The following FRYL variants were observed in gnomAD, a reference collection of about 807,000 sequenced individuals.
The protein encoded by FRYL is protein furry homolog-like.
FRYL carries 150 observed loss-of-function variants against 351.2 expected under a neutral mutation model. That is an observed-to-expected ratio of 0.43 (90% CI 0.37 to 0.49). The LOEUF (loss-of-function observed/expected upper bound fraction) is 0.49, where lower values mean the gene tolerates loss of function less well. FRYL is among the 20% of genes least tolerant of loss of function. FRYL has a pLI of 0.00. For missense variants in FRYL, 3,036 were observed against 3,619.3 expected, an observed-to-expected ratio of 0.84 and a Z score of 4.13; for synonymous variants, 1,153 against 1,257.1, an observed-to-expected ratio of 0.92 and a Z score of 1.75.
At chr4:48,595,538 T>C in intron 15 of FRYL, 52 bp downstream of exon 15, 15 of 1,035,780 alleles carry the variant, frequency 1.4e-5, no homozygotes, top group Non-Finnish European at 2.0e-5. Flanking sequence ...GTGATTACAA[T>C]AGATTACTCT....
chr4:48,600,138 A>G (rs985035843), intron 13 of FRYL, among the ~76,000 whole-genome samples: 16 of 152,076 alleles, frequency 1.1e-4, no homozygotes, highest in African/African-American at 3.9e-4. Context: ...TAATAAAAGG[A>G]AATTGTTTAG....
chr4:48,563,350 C>T (rs1251543864), intron 31 of FRYL, among the ~76,000 whole-genome samples: 2 of 151,438 alleles, frequency 1.3e-5, no homozygotes, highest in East Asian at 1.9e-4. Context: ...AAGGTCCTCA[C>T]ATTCAAAGGG....
chr4:48,606,868 C>T (rs1200301419), intron 9 of FRYL, among the ~76,000 whole-genome samples: 2 of 152,130 alleles, frequency 1.3e-5, no homozygotes, highest in African/African-American at 4.8e-5. Flanking sequence ...CAAGACACCA[C>T]CATTACCATT....
In FRYL at chr4:48,719,615, CT is replaced by C. The variant is rs367691434; in HGVS notation, c.-383-8918del. Among the ~76,000 whole-genome samples the C allele has an allele frequency of 8.6e-3, 1,306 of 151,736 alleles. 59 individuals are homozygous for C. The highest frequency in any genetic ancestry group is 0.037 in the Admixed American group (557 of 15,114). ...TGACAAAACAAAACAACAGAAATATCTTTTCCAGCCACACTGTGCTCTTTGC... is the reference window on the plus strand; with the variant it reads ...TGACAAAACAAAACAACAGAAATATCTTTCCAGCCACACTGTGCTCTTTGC... On this transcript the variant is annotated intron_variant, in intron 1 of 63. Transcript: ENST00000358350.
At chr4:48,519,369 C>T (rs1046574738) in intron 55 of FRYL, among the ~76,000 whole-genome samples, 2 of 152,152 alleles carry the variant, frequency 1.3e-5, no homozygotes, top group Non-Finnish European at 2.9e-5. Context: ...CCTGGAATGT[C>T]CCAGTTACCA....
intron 1 of FRYL, among the ~76,000 whole-genome samples, chr4:48,754,949 G>C (rs1185716539): frequency 6.6e-6 from 1 of 152,078 alleles, no homozygotes; most frequent in East Asian, 1.9e-4. Context: ...GCCCTGAATC[G>C]TTTTCAATTG....
chr4:48,603,341 C>T lies in FRYL; in HGVS notation c.882G>A (p.Glu294=), dbSNP rs1746074018. The T allele has an allele frequency of 6.2e-7, 1 of 1,612,686 alleles. No individual in the cohort carries two copies. The stretch of plus-strand genomic sequence containing the variant: ...GTTCAAAAGTAGTCTGATAAAGCAT[C>T]TCCACAAAATTTTTCAAACAGGGAA... ...VNVPCLKNFV[E]MLYQTTFELS... The change falls in exon 12 of 64, where the codon GAG becomes GAA. Residue 294 remains glutamate, a synonymous_variant. Transcript: ENST00000358350.
intron 3 of FRYL, among the ~76,000 whole-genome samples, chr4:48,657,124 A>T (rs2149457481): frequency 6.6e-6 from 1 of 152,318 alleles, no homozygotes; most frequent in East Asian, 1.9e-4. Context: ...ATGATGGAAG[A>T]GTCCCACTAT....
rs1772216617 is a variant in FRYL at position 48,742,599 on chromosome 4, G to A, written c.-383-31901C>T. Among the ~76,000 whole-genome samples the A allele has an allele frequency of 3.9e-5, 6 of 152,200 alleles. No homozygotes were observed. The South Asian group carries it at 1.2e-3, about 32-fold the overall frequency. ...TACTGTAACAGACCAACTCAGGACT[G>A]CTATTCATTCTTAGTATTAGTCATG... On this transcript the variant is annotated intron_variant, in intron 1 of 63. Coordinates refer to ENST00000358350, the MANE Select transcript of FRYL (RefSeq NM_015030.2).
At chr4:48,749,708 T>G (rs752330078) in intron 1 of FRYL, among the ~76,000 whole-genome samples, 5 of 152,174 alleles carry the variant, frequency 3.3e-5, no homozygotes, top group Non-Finnish European at 7.3e-5. Flanking sequence ...CTGCTACAAG[T>G]ACCCCCACCA....
Position 48,531,185 on chromosome 4 carries a change from T to C in FRYL, c.6874A>G (p.Thr2292Ala). The C allele has an allele frequency of 1.2e-6, 2 of 1,608,936 alleles. No homozygotes were observed. The highest frequency in any genetic ancestry group is 1.1e-5 in the South Asian group (1 of 90,856). ...GATATATCAAAATGAAAATCTAAGG[T>C]CTTCCCAGGCAACTCCTTAGAAACA... ...NNVSKELPGK[T>A]LDFHFDISET... The change falls in exon 50 of 64, where the codon ACC (threonine) becomes GCC (alanine). Residue 2292 changes from threonine (T) to alanine (A), a missense_variant. Coordinates refer to ENST00000358350, the MANE Select transcript of FRYL (RefSeq NM_015030.2).
At chr4:48,543,044 T>C (rs758756866) in intron 44 of FRYL, among the ~76,000 whole-genome samples, 4 of 152,162 alleles carry the variant, frequency 2.6e-5, no homozygotes, top group Non-Finnish European at 5.9e-5. Context: ...CATCCTGCAA[T>C]GTATTCTAGC....
intron 27 of FRYL, among the ~76,000 whole-genome samples, chr4:48,568,142 G>A (rs1314070394): frequency 6.6e-6 from 1 of 152,184 alleles, no homozygotes; most frequent in Non-Finnish European, 1.5e-5. Flanking sequence ...GTGCACGCCT[G>A]TAGTCCCAGC....
rs202041626 is a variant in FRYL at position 48,754,278 on chromosome 4, AT to A, written c.-384+25799del. On this transcript the variant is annotated intron_variant, in intron 1 of 63. Transcript: ENST00000358350. ...TATCAATGGCATCATACAATATGTG[AT>A]TTTTTTTTAAAGGTTCATGCACTTT... Among the ~76,000 whole-genome samples, 177 of 151,740 alleles carry A rather than the reference AT, an allele frequency of 1.2e-3. 2 individuals are homozygous for A. The highest frequency in any genetic ancestry group is 4.8e-3 in the South Asian group (23 of 4,798).
chr4:48,515,093 G>T lies in FRYL; in HGVS notation c.7872C>A (p.Thr2624=). 4 of 1,613,350 alleles carry T rather than the reference G, an allele frequency of 2.5e-6. No individual in the cohort carries two copies. The highest frequency in any genetic ancestry group is 3.4e-6 in the Non-Finnish European group (4 of 1,179,336). The change falls in exon 56 of 64, where the codon ACC becomes ACA. Residue 2624 remains threonine (T), a synonymous_variant. Coordinates refer to ENST00000358350, the MANE Select transcript of FRYL (RefSeq NM_015030.2). ...YPESVCEEDV[T]LALKELDERC... is the part of the protein sequence containing the mutation. Reference sequence around the variant, plus strand: ...TTTCATCTAGCTCTTTCAGAGCTAAGGTAACATCCTCTTCACAGACTGACT... The same window carrying T: ...TTTCATCTAGCTCTTTCAGAGCTAATGTAACATCCTCTTCACAGACTGACT...
chr4:48,544,016 C>T lies in FRYL; in HGVS notation c.5402-19G>A, dbSNP rs185166650. On this transcript the variant is annotated intron_variant, in intron 43 of 63. Coordinates refer to ENST00000358350, the MANE Select transcript of FRYL (RefSeq NM_015030.2). Reference sequence around the variant, plus strand: ...ATTCCTTCTGTGAATGCAAAGGAAACGAGTAGGTTGTTCTTGTTCTTTAGA... The same window carrying T: ...ATTCCTTCTGTGAATGCAAAGGAAATGAGTAGGTTGTTCTTGTTCTTTAGA... 68 of 1,608,754 alleles carry T rather than the reference C, an allele frequency of 4.2e-5. No homozygotes were observed. In the East Asian group the frequency reaches 1.2e-3, roughly 29 times the overall value.
At chr4:48,576,785 T>C (rs1364707583) in intron 23 of FRYL, among the ~76,000 whole-genome samples, 5 of 152,216 alleles carry the variant, frequency 3.3e-5, no homozygotes, top group Non-Finnish European at 5.9e-5. Flanking sequence ...TAACTTACTA[T>C]GCATACTCAA....
At chr4:48,760,026 AT>A (rs919034408) in intron 1 of FRYL, among the ~76,000 whole-genome samples, 231 of 152,108 alleles carry the variant, frequency 1.5e-3, no homozygotes, top group Non-Finnish European at 1.2e-3. Context: ...CTCTAAAGGA[AT>A]TTTTTTTCCC....
chr4:48,737,075 T>C (rs1771518049), intron 1 of FRYL, among the ~76,000 whole-genome samples: 1 of 149,256 alleles, frequency 6.7e-6, no homozygotes, highest in South Asian at 2.1e-4. Context: ...AGGTCAGGAG[T>C]TTCAGATCAG....
Sources: gnomAD v4.1 joint callset for allele counts (sites outside exome capture counted in the v4.1 genomes callset) on GRCh38, gnomAD v4.1.1 for gene constraint, MANE v1.5 for transcripts, NCBI Gene and HGNC (gene_info 2026-07-23, HGNC 2026-07-21) for gene names.